TULP4: variants seen among roughly 807,000 people sequenced by gnomAD.
TULP4 encodes the protein TUB like protein 4.
A neutral mutation model predicts 129.0 loss-of-function variants in TULP4; 16 were observed. That is an observed-to-expected ratio of 0.12 (90% CI 0.08 to 0.19). TULP4 has a LOEUF of 0.19. Among genes scored for constraint, TULP4 ranks in the 10% least tolerant of loss-of-function variants. The pLI, the probability that TULP4 is intolerant of heterozygous loss-of-function variation, is 1.00. For synonymous variants in TULP4, 998 were observed against 854.0 expected, an observed-to-expected ratio of 1.17 and a Z score of -2.94; for missense variants, 1,842 against 2,059.1, an observed-to-expected ratio of 0.89 and a Z score of 2.04.
chr6:158,264,735 C>T (rs1307780877), intron 1 of TULP4, among the ~76,000 whole-genome samples: 2 of 152,166 alleles, frequency 1.3e-5, no homozygotes, highest in African/African-American at 4.8e-5. Flanking sequence ...ATTGGGAGCA[C>T]CGCATGTGGG....
rs1721079541 is a variant in TULP4 at position 158,502,977 on chromosome 6, GGC to G, written c.3315_3316del (p.His1106ProfsTer5). 1 of 1,613,736 alleles carries G rather than the reference GGC, an allele frequency of 6.2e-7. No individual in the cohort carries two copies. The highest frequency in any genetic ancestry group is 1.3e-5 in the African/African-American group (1 of 74,894). ...CACTGTCAGCTTGAGAAGCCCTTGA[GGC>G]ACCCTCCCCTGCCTGAAGCTGCTGT... is the stretch of plus-strand genomic sequence containing the variant. On this transcript the variant is annotated frameshift_variant, in exon 13 of 14. Coordinates refer to ENST00000367097, the MANE Select transcript of TULP4 (RefSeq NM_020245.5). LOFTEE classifies it high-confidence loss of function.
chr6:158,277,186 A>G (rs528141992), intron 1 of TULP4, among the ~76,000 whole-genome samples: 3 of 152,108 alleles, frequency 2.0e-5, no homozygotes, highest in Admixed American at 1.3e-4. Flanking sequence ...AGCAATCTTC[A>G]TGCCTCAGCC....
chr6:158,355,965 C>T (rs1416012982), intron 1 of TULP4, among the ~76,000 whole-genome samples: 1 of 152,048 alleles, frequency 6.6e-6, no homozygotes, highest in African/African-American at 2.4e-5. Flanking sequence ...CCAGTGATTG[C>T]CTGGGGCCAC....
At chr6:158,392,803 T>TTTTA (rs1777617561) in intron 1 of TULP4, among the ~76,000 whole-genome samples, 1 of 107,004 alleles carries the variant, frequency 9.3e-6, no homozygotes, top group Non-Finnish European at 1.9e-5. Context: ...TCTTTTTTTT[T>TTTTA]TTTTTTTTTT....
chr6:158,477,578 C>G (rs1490487786), intron 6 of TULP4, among the ~76,000 whole-genome samples: 1 of 152,140 alleles, frequency 6.6e-6, no homozygotes, highest in Non-Finnish European at 1.5e-5. Flanking sequence ...TATCTCACAC[C>G]AGTCAGAATG....
chr6:158,360,532 C>T (rs551199264), intron 1 of TULP4, among the ~76,000 whole-genome samples: 29 of 152,222 alleles, frequency 1.9e-4, no homozygotes, highest in African/African-American at 6.5e-4. Context: ...AAGGCAATGG[C>T]AGCAAGTAGA....
intron 1 of TULP4, among the ~76,000 whole-genome samples, chr6:158,307,298 G>A (rs1779230854): frequency 1.3e-5 from 2 of 151,928 alleles, no homozygotes; most frequent in South Asian, 2.1e-4. Context: ...ATATATAATT[G>A]GAAAAGAAAG....
At chr6:158,278,397 T>G (rs1359864500), upstream of TULP4, among the ~76,000 whole-genome samples, 1 of 152,080 alleles carries the variant, frequency 6.6e-6, no homozygotes, top group Non-Finnish European at 1.5e-5. Flanking sequence ...GTTTTTTTTT[T>G]TTTTGGCTAT....
In TULP4 at chr6:158,449,083, G is replaced by A. The variant is rs764504122; in HGVS notation, c.631G>A (p.Gly211Ser). ...CCACGTCCTCTTGCACGAGTCAGAC[G>A]GTGTCCTCGGCATGTCCTGGAACTA... ...LAHVLLHESDGVLGMSWNYPI... is the reference protein window; with the variant it reads ...LAHVLLHESDSVLGMSWNYPI... Residue 211 changes from glycine (G) to serine (S), a missense_variant, in exon 4 of 14, where the codon GGT (glycine) becomes AGT (serine). Transcript: ENST00000367097. 101 of 1,613,922 alleles carry A rather than the reference G, an allele frequency of 6.3e-5. No homozygotes were observed. Among genetic ancestry groups the A allele is most frequent in the Non-Finnish European group, 8.1e-5 (95 of 1,179,970 alleles).
At chr6:158,427,480 T>G (rs989167627) in intron 2 of TULP4, among the ~76,000 whole-genome samples, 120 of 20,472 alleles carry the variant, frequency 5.9e-3, no homozygotes, top group African/African-American at 0.013. Flanking sequence ...CCTTTTTTTT[T>G]TTTTTTTTTT....
chr6:158,485,180 A>C (rs1780037026), intron 8 of TULP4, among the ~76,000 whole-genome samples: 1 of 152,250 alleles, frequency 6.6e-6, no homozygotes, highest in Non-Finnish European at 1.5e-5. Context: ...TAAACTGGAT[A>C]TGTAACTGAA....
chr6:158,361,637 A>G (rs1355514719), intron 1 of TULP4, among the ~76,000 whole-genome samples: 2 of 152,248 alleles, frequency 1.3e-5, no homozygotes, highest in East Asian at 1.9e-4. Context: ...TACAAGTCAC[A>G]TATTTTCTTT....
At chr6:158,360,900 A>G (rs908026985) in intron 1 of TULP4, among the ~76,000 whole-genome samples, 3 of 152,232 alleles carry the variant, frequency 2.0e-5, no homozygotes, top group Non-Finnish European at 4.4e-5. Context: ...TAGCAGAATT[A>G]CATTTTAATG....
At chr6:158,387,885 A>C (rs1777486755) in intron 1 of TULP4, among the ~76,000 whole-genome samples, 1 of 152,150 alleles carries the variant, frequency 6.6e-6, no homozygotes, top group Non-Finnish European at 1.5e-5. Context: ...TTCCTCTCTT[A>C]ATTCAAGTGA....
At chr6:158,457,882 G>C (rs1298879505) in intron 5 of TULP4, among the ~76,000 whole-genome samples, 1 of 151,738 alleles carries the variant, frequency 6.6e-6, no homozygotes, top group Non-Finnish European at 1.5e-5. Flanking sequence ...TTGAGTACGT[G>C]CCCCTTTTTT....
chr6:158,341,930 C>T (rs963699745), intron 1 of TULP4, among the ~76,000 whole-genome samples: 7 of 152,100 alleles, frequency 4.6e-5, no homozygotes, highest in African/African-American at 9.7e-5. Flanking sequence ...GATTCCCCGC[C>T]GCCTCTGAGC....
At chr6:158,452,484 A>T (rs1779183560) in intron 5 of TULP4, among the ~76,000 whole-genome samples, 1 of 152,220 alleles carries the variant, frequency 6.6e-6, no homozygotes, top group Non-Finnish European at 1.5e-5. Flanking sequence ...GATTCCTGAC[A>T]TTCAGTCTTT....
rs544977351 is a variant in TULP4, at chr6:158,470,036, A to G, written c.1026+8307A>G. ...GCCATGCAGTGGGTGTTATAGCTCT[A>G]TTAGAAGTCGTGGGTCACGGAAGAG... is the stretch of plus-strand genomic sequence containing the variant. On this transcript the variant is annotated intron_variant, in intron 6 of 13. Coordinates refer to ENST00000367097, the MANE Select transcript of TULP4 (RefSeq NM_020245.5). Among the ~76,000 whole-genome samples the G allele has an allele frequency of 9.9e-5, 15 of 152,218 alleles. No homozygotes were observed. In the South Asian group the frequency reaches 2.7e-3, roughly 27 times the overall value.
At chr6:158,381,912 G>T (rs749297443) in intron 1 of TULP4, among the ~76,000 whole-genome samples, 25 of 152,048 alleles carry the variant, frequency 1.6e-4, no homozygotes, top group Non-Finnish European at 2.6e-4. Context: ...AGTTGTTATT[G>T]TTTTTTTGTT....
Sources: gnomAD v4.1 joint callset for allele counts (sites outside exome capture counted in the v4.1 genomes callset) on GRCh38, gnomAD v4.1.1 for gene constraint, MANE v1.5 for transcripts, NCBI Gene and HGNC (gene_info 2026-07-23, HGNC 2026-07-21) for gene names.